Variants in RBFOX1 observed in about 807,000 individuals in gnomAD.
RBFOX1 encodes the protein RNA binding protein fox-1 homolog 1.
In RBFOX1, 8 loss-of-function variants were observed where a neutral mutation model predicts 57.7. The ratio of observed to expected loss-of-function variants is 0.14; its 90% CI spans 0.08 to 0.25. RBFOX1 has a LOEUF of 0.25. Among genes scored for constraint, RBFOX1 ranks in the 10% least tolerant of loss-of-function variants. The probability of loss-of-function intolerance (pLI) is 1.00; values close to 1 mark genes in which losing one functional copy is unlikely to be tolerated. For synonymous variants in RBFOX1, 326 were observed against 222.4 expected (o/e 1.47, Z -4.15); for missense variants, 611 against 548.5 (o/e 1.11, Z -1.14).
At chr16:5,391,664 A>G (rs1442268470) in intron 1 of RBFOX1, among the ~76,000 whole-genome samples, 1 of 151,976 alleles carries the variant, frequency 6.6e-6, no homozygotes, top group Non-Finnish European at 1.5e-5. Context: ...ACTTCAGGAG[A>G]GCTCAGGTGT....
chr16:6,673,603 C>G (rs748957603), intron 3 of RBFOX1, among the ~76,000 whole-genome samples: 2 of 151,798 alleles, frequency 1.3e-5, no homozygotes, highest in African/African-American at 2.4e-5. Context: ...GACTCCATGT[C>G]AAAAAAATAT....
At chr16:7,396,301 T>C (rs2098138164) in intron 4 of RBFOX1, among the ~76,000 whole-genome samples, 1 of 152,198 alleles carries the variant, frequency 6.6e-6, no homozygotes, top group South Asian at 2.1e-4. Context: ...ACTCACAAAC[T>C]GTGGCCCCTG....
chr16:7,190,131 C>G (rs141761285), intron 4 of RBFOX1, among the ~76,000 whole-genome samples: 1 of 152,096 alleles, frequency 6.6e-6, no homozygotes, highest in East Asian at 1.9e-4. Flanking sequence ...GAGGCCAAGG[C>G]GGGCAGATTG....
intron 5 of RBFOX1, among the ~76,000 whole-genome samples, chr16:7,540,523 A>G (rs1002311632): frequency 2.6e-5 from 4 of 152,228 alleles, no homozygotes; most frequent in African/African-American, 4.8e-5. Flanking sequence ...ACACATGTCA[A>G]TGATTGCAGA....
intron 2 of RBFOX1, among the ~76,000 whole-genome samples, chr16:6,576,567 A>G (rs974110178): frequency 1.4e-4 from 22 of 152,274 alleles, no homozygotes; most frequent in Admixed American, 1.3e-3. Flanking sequence ...TTTCTTAGGT[A>G]TGTTTTTACT....
At chr16:5,249,160 C>T (rs1056583863) in intron 1 of RBFOX1, among the ~76,000 whole-genome samples, 5 of 152,120 alleles carry the variant, frequency 3.3e-5, no homozygotes, top group Admixed American at 6.5e-5. Flanking sequence ...GGTGAGGCTG[C>T]GCTTTGTGTG....
intron 2 of RBFOX1, among the ~76,000 whole-genome samples, chr16:6,402,360 G>A (rs745961830): frequency 2.0e-5 from 3 of 152,142 alleles, no homozygotes; most frequent in African/African-American, 4.8e-5. Flanking sequence ...GAAAATAAAC[G>A]TGGATATTTA....
At chr16:6,189,940 C>T (rs537900740) in intron 1 of RBFOX1, among the ~76,000 whole-genome samples, 31 of 152,264 alleles carry the variant, frequency 2.0e-4, no homozygotes, top group Non-Finnish European at 3.4e-4. Flanking sequence ...TTTGCCCAGA[C>T]TAATGTCCTG....
intron 3 of RBFOX1, among the ~76,000 whole-genome samples, chr16:6,882,036 C>T (rs1044659230): frequency 2.0e-5 from 3 of 152,140 alleles, no homozygotes; most frequent in South Asian, 2.1e-4. Flanking sequence ...GACTTCATTT[C>T]TGGAAAAATG....
chr16:6,552,741 C>A (rs889931231), intron 2 of RBFOX1, among the ~76,000 whole-genome samples: 1 of 150,960 alleles, frequency 6.6e-6, no homozygotes, highest in Non-Finnish European at 1.5e-5. Flanking sequence ...CATTTTATAC[C>A]AAAAATTATA....
At chr16:5,969,477 A>ATTTTTTTTTT (rs34622040) in intron 4 of RBFOX1, among the ~76,000 whole-genome samples, 12 of 117,002 alleles carry the variant, frequency 1.0e-4, no homozygotes, top group East Asian at 2.6e-4. Context: ...ACGCCTGGCT[A>ATTTTTTTTTT]TTTTTTTTTT....
chr16:5,302,776 C>G (rs1489790486), intron 1 of RBFOX1, among the ~76,000 whole-genome samples: 2 of 152,298 alleles, frequency 1.3e-5, no homozygotes, highest in East Asian at 3.9e-4. Flanking sequence ...TGCATGGTAT[C>G]TAAAAAGTGT....
Position 6,027,561 on chromosome 16 carries a change from T to C in RBFOX1, c.-127+7569T>C, listed in dbSNP as rs535902938. Among the ~76,000 whole-genome samples the C allele has an allele frequency of 3.3e-5, 5 of 152,326 alleles. No individual in the cohort carries two copies. The East Asian group carries it at 7.7e-4, about 24-fold the overall frequency. On this transcript the variant is annotated intron_variant, in intron 1 of 15. Transcript: ENST00000550418. ...CCTACAAATGGAGATTATCACTACA[T>C]TGTACAGTCCGTCTGAGGATTAATC...
intron 1 of RBFOX1, among the ~76,000 whole-genome samples, chr16:5,358,588 C>T (rs1240879939): frequency 6.6e-6 from 1 of 152,102 alleles, no homozygotes; most frequent in African/African-American, 2.4e-5. Context: ...GTTTGGGAGG[C>T]CAAAGCAGGT....
chr16:7,586,144 C>T (rs2094111369), intron 6 of RBFOX1, among the ~76,000 whole-genome samples: 1 of 152,212 alleles, frequency 6.6e-6, no homozygotes, highest in South Asian at 2.1e-4. Flanking sequence ...AGAGCATTTG[C>T]TCTCATTCTG....
At chr16:5,484,778 G>A (rs2069667625) in intron 2 of RBFOX1, among the ~76,000 whole-genome samples, 1 of 151,940 alleles carries the variant, frequency 6.6e-6, no homozygotes. Flanking sequence ...CAGGCGTGGT[G>A]GCGGGCACCT....
chr16:7,094,099 C>G (rs574454356), intron 4 of RBFOX1, among the ~76,000 whole-genome samples: 4 of 150,782 alleles, frequency 2.7e-5, no homozygotes, highest in Non-Finnish European at 5.9e-5. Context: ...TAGCCCTTCT[C>G]TTCTTCATTT....
chr16:7,709,663 G>C (rs2083609659), intron 15 of RBFOX1: 4 of 1,499,130 alleles, frequency 2.7e-6, no homozygotes, highest in African/African-American at 2.9e-5. Flanking sequence ...CTTTGTGTGT[G>C]TACCTAGTAC....
At chr16:5,438,999 G>C (rs796778594) in intron 1 of RBFOX1, among the ~76,000 whole-genome samples, 2 of 144,970 alleles carry the variant, frequency 1.4e-5, no homozygotes, top group African/African-American at 5.0e-5. Flanking sequence ...ACTGCATATT[G>C]TGAAGGAAAC....
Sources: allele counts gnomAD v4.1 joint callset (sites outside exome capture counted in the v4.1 genomes callset), GRCh38; gene constraint gnomAD v4.1.1; transcripts MANE v1.5; gene names NCBI Gene and HGNC (gene_info 2026-07-23, HGNC 2026-07-21).